The following SERAC1 variants were observed in gnomAD, a reference collection of about 807,000 sequenced individuals.
SERAC1 encodes serine active site containing 1.
Under a neutral mutation model 85.7 loss-of-function variants are expected in SERAC1, and 36 were observed. The observed-to-expected ratio is 0.42, with a 90% CI of 0.32 to 0.55. The LOEUF is 0.55. Among genes scored for constraint, SERAC1 ranks in the 20% least tolerant of loss-of-function variants. The probability of loss-of-function intolerance (pLI) is 0.11; values close to 1 mark genes in which losing one functional copy is unlikely to be tolerated. For missense variants in SERAC1, 629 were observed against 796.2 expected (o/e 0.79, Z 2.53); for synonymous variants, 242 against 265.3 (o/e 0.91, Z 0.85).
At chr6:158,160,802 T>C (rs765027271) in intron 1 of SERAC1, 1 of 152,016 alleles carries the variant, frequency 6.6e-6, no homozygotes, top group Non-Finnish European at 1.5e-5. Flanking sequence ...TTAGAATGCT[T>C]TAAATACGAT....
chr6:158,146,646 G>A, intron 6 of SERAC1, 136 bp downstream of exon 6: 2 of 1,036,604 alleles, frequency 1.9e-6, no homozygotes, highest in Non-Finnish European at 2.8e-6. Flanking sequence ...TCCTGACCTT[G>A]TGATCCAACC....
At chr6:158,147,585 CCTGT>C (rs1281226860) in intron 5 of SERAC1, among the ~76,000 whole-genome samples, 1 of 147,442 alleles carries the variant, frequency 6.8e-6, no homozygotes, top group Non-Finnish European at 1.5e-5. Context: ...ACGGTGAAAC[CCTGT>C]CTCTACTAAA....
chr6:158,124,385 G>T (rs1023581159), intron 10 of SERAC1, among the ~76,000 whole-genome samples: 10 of 152,054 alleles, frequency 6.6e-5, no homozygotes, highest in Non-Finnish European at 1.5e-4. Context: ...AAGGACAAAA[G>T]AATAAATATT....
At chr6:158,115,464 T>C (rs1784264383) in intron 14 of SERAC1, among the ~76,000 whole-genome samples, 2 of 152,176 alleles carry the variant, frequency 1.3e-5, no homozygotes, top group South Asian at 4.1e-4. Flanking sequence ...TTGGAACCGA[T>C]AATGAAACAC....
At chr6:158,114,755 T>C in intron 15 of SERAC1, 34 bp downstream of exon 15, 3 of 1,351,798 alleles carry the variant, frequency 2.2e-6, no homozygotes, top group Non-Finnish European at 3.1e-6. Flanking sequence ...GATGTTAATA[T>C]AACCCCAATT....
chr6:158,163,550 CAGG>C (rs1158201462), intron 1 of SERAC1, among the ~76,000 whole-genome samples: 1 of 152,162 alleles, frequency 6.6e-6, no homozygotes, highest in Non-Finnish European at 1.5e-5. Flanking sequence ...AAGCCTGAGG[CAGG>C]AGGACTGCTG....
At chr6:158,129,919 C>T (rs989613453) in intron 9 of SERAC1, among the ~76,000 whole-genome samples, 8 of 152,250 alleles carry the variant, frequency 5.3e-5, no homozygotes, top group African/African-American at 1.9e-4. Flanking sequence ...TGGTCTTGAA[C>T]TCCTGACCTC....
At chr6:158,132,276 A>T (rs907448390) in intron 8 of SERAC1, among the ~76,000 whole-genome samples, 2 of 152,134 alleles carry the variant, frequency 1.3e-5, no homozygotes, top group Non-Finnish European at 2.9e-5. Context: ...GGTTCAGTAA[A>T]CCAACTAAAA....
chr6:158,143,343 CTCTCTATATATATATA>C (rs1354130012), intron 7 of SERAC1, among the ~76,000 whole-genome samples, 159 bp from the exon 8 acceptor site: 675 of 33,540 alleles, frequency 0.02, 2 homozygotes, highest in East Asian at 0.068. Flanking sequence ...CTCTCTCTCT[CTCTCTATATATATATA>C]TATATATATA....
At chr6:158,138,758 C>G (rs747983485) in intron 8 of SERAC1, among the ~76,000 whole-genome samples, 39 of 152,070 alleles carry the variant, frequency 2.6e-4, no homozygotes, top group Non-Finnish European at 5.6e-4. Context: ...AGATGAAAAG[C>G]AGGGGCATAA....
chr6:158,166,339 T>G (rs1007863113), intron 1 of SERAC1, among the ~76,000 whole-genome samples: 8 of 152,232 alleles, frequency 5.3e-5, no homozygotes, highest in Non-Finnish European at 1.0e-4. Flanking sequence ...CTAGTGTCTC[T>G]ATTCTGTTCC....
intron 8 of SERAC1, among the ~76,000 whole-genome samples, chr6:158,136,291 A>G (rs1334780135): frequency 1.3e-5 from 2 of 152,198 alleles, no homozygotes; most frequent in Non-Finnish European, 2.9e-5. Context: ...CTCTTTTGAT[A>G]ACAGTATTTC....
chr6:158,163,419 C>A (rs542886858), intron 1 of SERAC1, among the ~76,000 whole-genome samples: 6 of 152,228 alleles, frequency 3.9e-5, no homozygotes, highest in African/African-American at 1.4e-4. Context: ...ACCATAGGGC[C>A]AAGTGTGGTG....
chr6:158,139,700 T>G (rs1384767242), intron 8 of SERAC1, among the ~76,000 whole-genome samples: 1 of 152,174 alleles, frequency 6.6e-6, no homozygotes, highest in Non-Finnish European at 1.5e-5. Context: ...GAATAGCTAC[T>G]GCATTCCAGC....
At chr6:158,132,715 T>G (rs1784706609) in intron 8 of SERAC1, among the ~76,000 whole-genome samples, 1 of 152,224 alleles carries the variant, frequency 6.6e-6, no homozygotes, top group Non-Finnish European at 1.5e-5. Context: ...CGAAGCTTGT[T>G]ACCTATGAAT....
chr6:158,128,207 G>A lies in SERAC1; in HGVS notation c.916C>T (p.Arg306Ter), dbSNP rs780664696. 8.1e-6 allele frequency: 13 copies of A among 1,613,906 alleles called. No homozygotes were observed. The highest frequency in any genetic ancestry group is 4.5e-5 in the East Asian group (2 of 44,886). The change falls in exon 10 of 17, where the codon CGA (arginine) becomes TGA (stop). Residue 306 changes from arginine (R) to a stop codon, truncating the protein, a stop_gained. Transcript: ENST00000647468. LOFTEE classifies it high-confidence loss of function. ...ACTTTAGGGCAGTCCTTGTGAAGTC[G>A]GTACAGCCTCTGAAGTAGCTGCAGG... ...GGLQLLQRLY[R>*]LHKDCPKVQR...
intron 12 of SERAC1, among the ~76,000 whole-genome samples, chr6:158,118,217 G>C (rs552422986): frequency 6.6e-6 from 1 of 152,250 alleles, no homozygotes; most frequent in African/African-American, 2.4e-5. Context: ...AATCATCACA[G>C]TTCTATCTCT....
intron 2 of SERAC1, 58 bp downstream of exon 2, chr6:158,158,215 G>C: frequency 7.7e-7 from 1 of 1,304,972 alleles, no homozygotes; most frequent in Non-Finnish European, 1.1e-6. Context: ...TCTTAGAAAT[G>C]GCCACAATTC....
intron 8 of SERAC1, among the ~76,000 whole-genome samples, chr6:158,132,465 T>C (rs1194768552): frequency 6.6e-6 from 1 of 152,192 alleles, no homozygotes; most frequent in Non-Finnish European, 1.5e-5. Flanking sequence ...AATAGTGGAT[T>C]GGTAAGCTTT....
Sources: allele counts gnomAD v4.1 joint callset (sites outside exome capture counted in the v4.1 genomes callset), GRCh38; gene constraint gnomAD v4.1.1; transcripts MANE v1.5; gene names NCBI Gene and HGNC (gene_info 2026-07-23, HGNC 2026-07-21).